MUC5B: variants seen among roughly 807,000 people sequenced by gnomAD.
MUC5B encodes the protein mucin 5B, oligomeric mucus/gel-forming, also known as mucin-5B.
In MUC5B, 116 loss-of-function variants were observed where a neutral mutation model predicts 376.9. The observed-to-expected ratio is 0.31, with a 90% CI of 0.26 to 0.36. The LOEUF (loss-of-function observed/expected upper bound fraction) is 0.36. MUC5B is among the 10% of genes least tolerant of loss of function. The probability of loss-of-function intolerance (pLI) is 1.00; values close to 1 mark genes in which losing one functional copy is unlikely to be tolerated. For missense variants in MUC5B, 7,165 were observed against 7,769.9 expected (o/e 0.92, Z 2.93); for synonymous variants, 3,517 against 3,390.9 (o/e 1.04, Z -1.29).
chr11:1,239,910 C>T lies in MUC5B; in HGVS notation c.3695C>T (p.Ala1232Val). ...DKDGNYYDVG[A>V]RVPTAENCQS... ...GACGGAAACTACTATGACGTCGGTGCAAGGGTCCCCACAGCGGAGAACTGC... is the reference window on the plus strand; with the variant it reads ...GACGGAAACTACTATGACGTCGGTGTAAGGGTCCCCACAGCGGAGAACTGC... The change falls in exon 28 of 49, where the codon GCA becomes GTA. Residue 1232 changes from alanine (A) to valine (V), a missense_variant. By Grantham distance (64) the Ala-to-Val change is moderately conservative. Coordinates refer to ENST00000529681, the MANE Select transcript of MUC5B (RefSeq NM_002458.3). 1 of 1,613,338 alleles carries T rather than the reference C, an allele frequency of 6.2e-7. No individual in the cohort carries two copies. Among genetic ancestry groups the T allele is most frequent in the Non-Finnish European group, 8.5e-7 (1 of 1,179,714 alleles).
Position 1,232,078 on chromosome 11 carries a change from C to T in MUC5B, c.1761C>T (p.Phe587=), listed in dbSNP as rs927753906. 15 of 1,612,650 alleles carry T rather than the reference C, an allele frequency of 9.3e-6. No homozygotes were observed. The highest frequency in any genetic ancestry group is 3.3e-5 in the Admixed American group (2 of 59,980). The change falls in exon 15 of 49, where the codon TTC becomes TTT. Residue 587 remains phenylalanine (F), a synonymous_variant. Coordinates refer to ENST00000529681, the MANE Select transcript of MUC5B (RefSeq NM_002458.3). Reference sequence around the variant, plus strand: ...TGGTGGAGGCCACGGGCGCAGCCTTCGCCAACACCTGGAAGGCCCAGGCTG... The same window carrying T: ...TGGTGGAGGCCACGGGCGCAGCCTTTGCCAACACCTGGAAGGCCCAGGCTG... ...SGVVEATGAA[F]ANTWKAQAAC... is the part of the protein sequence containing the mutation.
rs1861944466 is a variant in MUC5B at position 1,228,632 on chromosome 11, T to C, written c.843T>C (p.Thr281=). 7 of 1,534,156 alleles carry C rather than the reference T, an allele frequency of 4.6e-6. No homozygotes were observed. Among genetic ancestry groups the C allele is most frequent in the South Asian group, 1.2e-5 (1 of 83,896 alleles). The stretch of plus-strand genomic sequence containing the variant: ...AGTGCCACGCACTGGTGGACAGCAC[T>C]GCGTACCTGGCCGCCTGCGCCCAGG... The part of the protein sequence containing the change: ...FAECHALVDS[T]AYLAACAQDL... The change falls in exon 8 of 49, where the codon ACT becomes ACC. Residue 281 remains threonine, a synonymous_variant. Coordinates refer to ENST00000529681, the MANE Select transcript of MUC5B (RefSeq NM_002458.3).
Position 1,242,741 on chromosome 11 carries a change from C to A in MUC5B, c.5861C>A (p.Thr1954Asn). ...CCCACAGTCACCAGCTCCAAAGCCA[C>A]TCCCTCCTCCAGTCCAGGGACTGCA... is the stretch of plus-strand genomic sequence containing the variant. Reference protein sequence around the residue: ...TTPTVTSSKATPSSSPGTATA... With the variant: ...TTPTVTSSKANPSSSPGTATA... The change falls in exon 31 of 49, where the codon ACT becomes AAT. Residue 1954 changes from threonine to asparagine, a missense_variant. Around this residue, in one of 31 missense-constraint regions of MUC5B, gnomAD observed 897 missense variants for 779.6 expected, o/e 1.15. Transcript: ENST00000529681. The A allele has an allele frequency of 6.2e-7, 1 of 1,613,436 alleles. No individual in the cohort carries two copies. The highest frequency in any genetic ancestry group is 8.5e-7 in the Non-Finnish European group (1 of 1,179,576).
rs4963055 is a variant in MUC5B, at chr11:1,248,168, C to A, written c.11288C>A (p.Thr3763Asn). 3 of 1,587,402 alleles carry A rather than the reference C, an allele frequency of 1.9e-6. No individual in the cohort carries two copies. The Admixed American group carries it at 5.1e-5, about 27-fold the overall frequency. Reference protein sequence around the residue: ...VSTTATTPTVTSSKATPFSSP... With the variant: ...VSTTATTPTVNSSKATPFSSP... ...ACCACGGCCACGACACCCACAGTCA[C>A]CAGCTCCAAAGCCACTCCCTTCTCC... The change falls in exon 31 of 49, where the codon ACC (threonine) becomes AAC (asparagine). Residue 3763 changes from threonine (T) to asparagine (N), a missense_variant. Transcript: ENST00000529681.
At position 1,234,536 on chromosome 11, in the gene MUC5B, C is replaced by G; in HGVS notation, c.2486C>G (p.Thr829Arg). 6.3e-7 allele frequency: 1 copy of G among 1,580,344 alleles called. No homozygotes were observed. The highest frequency in any genetic ancestry group is 8.6e-7 in the Non-Finnish European group (1 of 1,163,952). ...CCTGCCTGGGCCCCACAGTTCAGCA[C>G]ACACTGCGTGTCCGGCTGTGTCTGT... ...CHTLDVGCFS[T>R]HCVSGCVCPP... The change falls in exon 21 of 49, where the codon ACA (threonine) becomes AGA (arginine). Residue 829 changes from threonine to arginine, a missense_variant. By Grantham distance (71) the Thr-to-Arg change is moderately conservative. Transcript: ENST00000529681. The surrounding 1 kb of genome is among the most constrained non-coding windows in gnomAD (Gnocchi z 6.3).
At chr11:1,236,638 C>A in intron 24 of MUC5B, 76 bp downstream of exon 24, 1 of 1,452,396 alleles carries the variant, frequency 6.9e-7, no homozygotes, top group East Asian at 2.4e-5. Context: ...CAGGTGGGGT[C>A]TGTGGGACTC....
intron 15 of MUC5B, 138 bp from the exon 16 acceptor site, chr11:1,232,311 GC>G: frequency 7.4e-7 from 1 of 1,344,428 alleles, no homozygotes; most frequent in Non-Finnish European, 1.0e-6. Flanking sequence ...GGGCCAGGCG[GC>G]CAGAACCCCC....
chr11:1,229,204 G>C lies in MUC5B; in HGVS notation c.1011G>C (p.Glu337Asp). The change falls in exon 9 of 49, where the codon GAG becomes GAC. Residue 337 changes from glutamate to aspartate, a missense_variant. Transcript: ENST00000529681. ...RTCPLNMQHQ[E>D]CGSPCTDTCS... Reference sequence around the variant, plus strand: ...GCCCCCTCAACATGCAGCACCAGGAGTGTGGCTCACCCTGCACGGACACCT... The same window carrying C: ...GCCCCCTCAACATGCAGCACCAGGACTGTGGCTCACCCTGCACGGACACCT... The C allele has an allele frequency of 6.2e-7, 1 of 1,600,304 alleles. No individual in the cohort carries two copies. Among genetic ancestry groups the C allele is most frequent in the Non-Finnish European group, 8.5e-7 (1 of 1,176,796 alleles).
chr11:1,247,061 C>A lies in MUC5B; in HGVS notation c.10181C>A (p.Ala3394Asp), dbSNP rs1275805831. ...ACTCCCCCATCACTGACCACCACGG[C>A]CACTACGATCACAGCCACCGGCTCC... ...SGTPPSLTTT[A>D]TTITATGSTT... Residue 3394 changes from alanine to aspartate, a missense_variant, in exon 31 of 49, where the codon GCC (alanine) becomes GAC (aspartate). Coordinates refer to ENST00000529681, the MANE Select transcript of MUC5B (RefSeq NM_002458.3). 6.4e-7 allele frequency: 1 copy of A among 1,559,324 alleles called. No homozygotes were observed. The highest frequency in any genetic ancestry group is 1.9e-5 in the Admixed American group (1 of 51,508).
At position 1,230,593 on chromosome 11, in the gene MUC5B, G is replaced by A. The variant is rs1862005346; in HGVS notation, c.1463G>A (p.Gly488Glu). Residue 488 changes from glycine (G) to glutamate (E), a missense_variant, in exon 12 of 49, where the codon GGG becomes GAG. Physicochemically the swap from Gly to Glu is moderately conservative, Grantham distance 98. Coordinates refer to ENST00000529681, the MANE Select transcript of MUC5B (RefSeq NM_002458.3). ...LKAVTLSLDG[G>E]DTAIRVQADG... The stretch of plus-strand genomic sequence containing the variant: ...GCGGTGACGCTCAGCCTGGACGGCG[G>A]GGACACGGTGAGGACCTGGCTGGGG... 4 of 1,607,596 alleles carry A rather than the reference G, an allele frequency of 2.5e-6. No individual in the cohort carries two copies. The highest frequency in any genetic ancestry group is 3.4e-6 in the Non-Finnish European group (4 of 1,177,418).
chr11:1,227,199 C>G (rs1861908719), intron 5 of MUC5B, 54 bp downstream of exon 5: 6 of 1,577,166 alleles, frequency 3.8e-6, no homozygotes, highest in Non-Finnish European at 5.2e-6. Flanking sequence ...AAAACCCCCA[C>G]CGGGGGTCGA....
chr11:1,226,981 C>T (rs902326788), intron 4 of MUC5B, 50 bp from the exon 5 acceptor site: 2 of 1,563,544 alleles, frequency 1.3e-6, no homozygotes, highest in Non-Finnish European at 1.7e-6. Context: ...GTTGGGTGGG[C>T]AGGCAGCCAG....
At position 1,240,881 on chromosome 11, in the gene MUC5B, T is replaced by A; in HGVS notation, c.4001T>A (p.Val1334Asp). The change falls in exon 31 of 49, where the codon GTC becomes GAC. Residue 1334 changes from valine to aspartate, a missense_variant. Val to Asp is a radical substitution (Grantham distance 152). Around this residue, in one of 31 missense-constraint regions of MUC5B, gnomAD observed 517 missense variants for 545.3 expected, o/e 0.95. Transcript: ENST00000529681. The stretch of plus-strand genomic sequence containing the variant: ...GCCCTCCCGGTCTCCACCGTGTGTG[T>A]CCGCGAGGTCTGCCGCTGGTCCAGC... ...SPALPVSTVC[V>D]REVCRWSSWY... 3 of 1,611,776 alleles carry A rather than the reference T, an allele frequency of 1.9e-6. No individual in the cohort carries two copies. Among genetic ancestry groups the A allele is most frequent in the Non-Finnish European group, 2.5e-6 (3 of 1,179,630 alleles).
In MUC5B at chr11:1,242,660, C is replaced by T. The variant is rs1564939813; in HGVS notation, c.5780C>T (p.Thr1927Ile). The change falls in exon 31 of 49, where the codon ACC becomes ATC. Residue 1927 changes from threonine (T) to isoleucine (I), a missense_variant. Coordinates refer to ENST00000529681, the MANE Select transcript of MUC5B (RefSeq NM_002458.3). The part of the protein sequence containing the change: ...TASTGSTATP[T>I]STLRTAPPPK... ...TCCACTGGATCCACGGCCACCCCGACCTCCACCCTGAGAACAGCTCCCCCT... is the reference window on the plus strand; with the variant it reads ...TCCACTGGATCCACGGCCACCCCGATCTCCACCCTGAGAACAGCTCCCCCT... 1 of 1,613,698 alleles carries T rather than the reference C, an allele frequency of 6.2e-7. No individual in the cohort carries two copies.
Position 1,244,817 on chromosome 11 carries a change from C to T in MUC5B, c.7937C>T (p.Thr2646Met), listed in dbSNP as rs186678952. ...TTTTPTTRGS[T>M]VTPSSIPGTT... ...ACCACACCCACAACCAGAGGTTCCA[C>T]GGTGACCCCCTCCTCCATCCCGGGG... Residue 2646 changes from threonine to methionine, a missense_variant, in exon 31 of 49, where the codon ACG becomes ATG. Coordinates refer to ENST00000529681, the MANE Select transcript of MUC5B (RefSeq NM_002458.3). 6.2e-4 allele frequency: 993 copies of T among 1,613,650 alleles called. 8 individuals carry two copies. In the African/African-American group the frequency reaches 7.8e-3, roughly 13 times the overall value.
intron 2 of MUC5B, 37 bp downstream of exon 2, chr11:1,225,774 C>G: frequency 1.3e-6 from 2 of 1,582,146 alleles, no homozygotes; most frequent in Non-Finnish European, 1.7e-6. Context: ...GGTTCCTGAC[C>G]AGGCTGGAGG....
At chr11:1,235,058 A>G (rs1401196454) in intron 21 of MUC5B, 27 bp from the exon 22 acceptor site, 2 of 1,598,330 alleles carry the variant, frequency 1.3e-6, no homozygotes, top group African/African-American at 2.7e-5. Flanking sequence ...GGCCCCTGTG[A>G]GCAGGCACCA....
intron 13 of MUC5B, 151 bp from the exon 14 acceptor site, chr11:1,231,272 T>C: frequency 7.9e-6 from 8 of 1,013,666 alleles, no homozygotes; most frequent in Non-Finnish European, 1.1e-5. Context: ...GCCACAGGCA[T>C]GGGACAGGGA....
At position 1,234,589 on chromosome 11, in the gene MUC5B, G is replaced by T. The variant is rs1419184614; in HGVS notation, c.2539G>T (p.Gly847Trp). 2 of 1,576,052 alleles carry T rather than the reference G, an allele frequency of 1.3e-6. No homozygotes were observed. The highest frequency in any genetic ancestry group is 4.7e-5 in the East Asian group (2 of 42,642). Residue 847 changes from glycine to tryptophan, a missense_variant, in exon 21 of 49, where the codon GGG becomes TGG. Coordinates refer to ENST00000529681, the MANE Select transcript of MUC5B (RefSeq NM_002458.3). The surrounding 1 kb of genome is among the most constrained non-coding windows in gnomAD (Gnocchi z 6.3). ...CCCGGGGCTGGTGTCGGATGGGAGT[G>T]GGGGCTGCATTGCCGAGGAGGACTG... Reference protein sequence around the residue: ...CPPGLVSDGSGGCIAEEDCPC... With the variant: ...CPPGLVSDGSWGCIAEEDCPC...
Sources: allele counts gnomAD v4.1 joint callset, GRCh38; gene constraint gnomAD v4.1.1; regional missense constraint gnomAD v4.1.1; non-coding constraint Gnocchi (gnomAD v3.1); transcripts MANE v1.5; gene names NCBI Gene and HGNC (gene_info 2026-07-23, HGNC 2026-07-21).